The following FEZ2 variants were observed in gnomAD, a reference collection of about 807,000 sequenced individuals.
The protein encoded by FEZ2 is fasciculation and elongation protein zeta 2.
In FEZ2, 51 loss-of-function variants were observed where a neutral mutation model predicts 40.4. The ratio of observed to expected loss-of-function variants is 1.26; its 90% CI spans 1.01 to 1.59. The LOEUF (loss-of-function observed/expected upper bound fraction) is 1.59. Ranked by LOEUF, FEZ2 falls within the 40% of genes most tolerant of loss-of-function variation. FEZ2 has a pLI of 0.00. For synonymous variants in FEZ2, 242 were observed against 172.0 expected, an observed-to-expected ratio of 1.41 and a Z score of -3.18; for missense variants, 640 against 438.3, an observed-to-expected ratio of 1.46 and a Z score of -4.11.
chr2:36,560,645 T>C (rs1335069700), intron 5 of FEZ2: 6 of 512,202 alleles, frequency 1.2e-5, no homozygotes, highest in Admixed American at 1.1e-4. Context: ...ACTATAAATA[T>C]AATGAACTTT....
intron 4 of FEZ2, 91 bp from the exon 5 acceptor site, chr2:36,578,956 A>T: frequency 9.6e-7 from 1 of 1,039,466 alleles, no homozygotes; most frequent in Non-Finnish European, 1.4e-6. Context: ...CTAAATAAAC[A>T]CCTATGTAAT....
rs1158991285 is a variant in FEZ2, at chr2:36,598,164, GC to G, written c.-23del. On this transcript the variant is annotated 5_prime_UTR_variant, in exon 1 of 8. Coordinates refer to ENST00000405912, the MANE Select transcript of FEZ2 (RefSeq NM_005102.3). ...CCATCGCCGCCCGGAGCAGTCGCGC[GC>G]CCCGCCCAGGCCGGCCCAGCCCGCC... The G allele has an allele frequency of 1.5e-6, 2 of 1,372,324 alleles. No individual in the cohort carries two copies. The highest frequency in any genetic ancestry group is 3.1e-5 in the Admixed American group (1 of 31,794). 85.0% of individuals were successfully genotyped at this position (1,372,324 alleles called of 1,614,324 possible). A position where few individuals can be genotyped will look rare whatever the true frequency, so the allele number is the denominator to read the frequency against.
At position 36,583,431 on chromosome 2, in the gene FEZ2, T is replaced by G. The variant is rs762600198; in HGVS notation, c.414A>C (p.Glu138Asp). The change falls in exon 3 of 8, where the codon GAA (glutamate) becomes GAC (aspartate). Residue 138 changes from glutamate to aspartate, a missense_variant. Coordinates refer to ENST00000405912, the MANE Select transcript of FEZ2 (RefSeq NM_005102.3). ...DSLLFDTSDD[E>D]ELREQLDMHS... ...GCATATCCAGCTGTTCTCTCAGCTC[T>G]TCATCATCTGATGTATCAAAGAGCA... 12 of 1,607,278 alleles carry G rather than the reference T, an allele frequency of 7.5e-6. No individual in the cohort carries two copies. Among genetic ancestry groups the G allele is most frequent in the Admixed American group, 1.7e-5 (1 of 59,994 alleles).
At chr2:36,589,061 T>G (rs1489071665) in intron 2 of FEZ2, among the ~76,000 whole-genome samples, 1 of 152,236 alleles carries the variant, frequency 6.6e-6, no homozygotes, top group Admixed American at 6.5e-5. Context: ...TCTCTGGCCC[T>G]ACAGTTTCAC....
At chr2:36,573,955 T>C (rs1244475051) in intron 5 of FEZ2, among the ~76,000 whole-genome samples, 1 of 152,230 alleles carries the variant, frequency 6.6e-6, no homozygotes, top group Non-Finnish European at 1.5e-5. Flanking sequence ...TTTAAAACTC[T>C]ATATTCTTTG....
At chr2:36,553,447 C>T (rs146338916) in intron 7 of FEZ2, among the ~76,000 whole-genome samples, 7 of 152,288 alleles carry the variant, frequency 4.6e-5, no homozygotes, top group South Asian at 2.1e-4. Flanking sequence ...CCCTAACATT[C>T]GCCCTATACC....
chr2:36,581,872 AAATAC>A (rs1261551218), intron 3 of FEZ2, among the ~76,000 whole-genome samples: 3 of 152,240 alleles, frequency 2.0e-5, no homozygotes, highest in African/African-American at 7.2e-5. Flanking sequence ...AAAATTTATA[AAATAC>A]AATAGCACAA....
chr2:36,567,823 G>C (rs1296192801), intron 5 of FEZ2, among the ~76,000 whole-genome samples: 5 of 151,958 alleles, frequency 3.3e-5, no homozygotes, highest in African/African-American at 4.8e-5. Flanking sequence ...GCAAGTAGGA[G>C]ATCAGTGAAC....
intron 2 of FEZ2, among the ~76,000 whole-genome samples, chr2:36,585,447 G>T (rs945053879): frequency 6.6e-6 from 1 of 152,098 alleles, no homozygotes; most frequent in African/African-American, 2.4e-5. Context: ...AGCTACACTA[G>T]AGAGTAACAT....
chr2:36,583,731 C>A (rs990736269), intron 2 of FEZ2, among the ~76,000 whole-genome samples: 1 of 152,088 alleles, frequency 6.6e-6, no homozygotes, highest in Non-Finnish European at 1.5e-5. Context: ...GAAAAAAATA[C>A]GGTATTCATT....
At chr2:36,554,982 T>G (rs1558438881) in intron 7 of FEZ2, among the ~76,000 whole-genome samples, 1 of 152,184 alleles carries the variant, frequency 6.6e-6, no homozygotes, top group Non-Finnish European at 1.5e-5. Context: ...ACCTGCTACT[T>G]TAAAAAAATA....
chr2:36,580,978 C>T (rs1288959275), intron 4 of FEZ2, among the ~76,000 whole-genome samples: 1 of 152,002 alleles, frequency 6.6e-6, no homozygotes, highest in Non-Finnish European at 1.5e-5. Context: ...ATGACGAAAC[C>T]CCGTCTCTAC....
In FEZ2 at chr2:36,552,320, A is replaced by G; in HGVS notation, c.*843T>C. The G allele has an allele frequency of 2.5e-6, 1 of 403,494 alleles. No homozygotes were observed. The highest frequency in any genetic ancestry group is 1.9e-5 in the South Asian group (1 of 52,766). 25.0% of individuals were successfully genotyped at this position (403,494 alleles called of 1,614,324 possible). ...TTGACTGGAACCAGCAAAAGTGCTC[A>G]TGATATTGATGAATCCATAAGTAGC... is the stretch of plus-strand genomic sequence containing the variant. On this transcript the variant is annotated 3_prime_UTR_variant, in exon 8 of 8. Coordinates refer to ENST00000405912, the MANE Select transcript of FEZ2 (RefSeq NM_005102.3).
At chr2:36,579,279 T>C (rs2125234621) in intron 4 of FEZ2, among the ~76,000 whole-genome samples, 1 of 152,346 alleles carries the variant, frequency 6.6e-6, no homozygotes, top group South Asian at 2.1e-4. Flanking sequence ...GGGATATCTC[T>C]GAACAGGAAA....
chr2:36,564,413 A>C (rs1668175776), intron 5 of FEZ2, among the ~76,000 whole-genome samples: 1 of 152,158 alleles, frequency 6.6e-6, no homozygotes, highest in Non-Finnish European at 1.5e-5. Context: ...CTTTCTTTCA[A>C]AAAACATCCT....
At chr2:36,578,936 C>T (rs1668657220) in intron 4 of FEZ2, 71 bp from the exon 5 acceptor site, 1 of 1,251,874 alleles carries the variant, frequency 8.0e-7, no homozygotes, top group Admixed American at 2.2e-5. Context: ...AGAGTAGTCA[C>T]TAGGAATGAC....
At chr2:36,570,589 AG>A (rs1668379680) in intron 5 of FEZ2, among the ~76,000 whole-genome samples, 1 of 152,240 alleles carries the variant, frequency 6.6e-6, no homozygotes, top group Non-Finnish European at 1.5e-5. Flanking sequence ...CTAAGAAATG[AG>A]TCAGGCAACT....
At chr2:36,558,672 T>C (rs1255155407) in intron 5 of FEZ2, 159 bp from the exon 6 acceptor site, 1 of 420,126 alleles carries the variant, frequency 2.4e-6, no homozygotes, top group East Asian at 3.5e-5. Context: ...TATCTTACTA[T>C]CTCAGATGGA....
At chr2:36,582,261 G>C (rs1390772111) in intron 3 of FEZ2, among the ~76,000 whole-genome samples, 1 of 151,866 alleles carries the variant, frequency 6.6e-6, no homozygotes, top group African/African-American at 2.4e-5. Context: ...AAATGAAGGA[G>C]TAAGACATCA....
Sources: allele counts gnomAD v4.1 joint callset (sites outside exome capture counted in the v4.1 genomes callset), GRCh38; gene constraint gnomAD v4.1.1; transcripts MANE v1.5; gene names NCBI Gene and HGNC (gene_info 2026-07-23, HGNC 2026-07-21).